The following FAM149B1 variants were observed in gnomAD, a reference collection of about 807,000 sequenced individuals.
FAM149B1 encodes family with sequence similarity 149 member B1.
Under a neutral mutation model 75.3 loss-of-function variants are expected in FAM149B1, and 56 were observed. That is an observed-to-expected ratio of 0.74 (90% CI 0.60 to 0.93). The LOEUF (loss-of-function observed/expected upper bound fraction) is 0.93. Among genes scored for constraint, FAM149B1 ranks in the 40% least tolerant of loss-of-function variants. FAM149B1 has a pLI of 0.00. For missense variants in FAM149B1, 639 were observed against 708.4 expected (o/e 0.90, Z 1.11); for synonymous variants, 259 against 256.1 (o/e 1.01, Z -0.11).
intron 7 of FAM149B1, among the ~76,000 whole-genome samples, chr10:73,211,769 TTTTCA>T (rs1293630113): frequency 2.6e-5 from 4 of 152,226 alleles, no homozygotes; most frequent in African/African-American, 9.6e-5. Context: ...CTATTTTTTC[TTTTCA>T]TTTTATTTTT....
chr10:73,220,734 T>C (rs1406584184), intron 7 of FAM149B1, among the ~76,000 whole-genome samples: 14 of 151,966 alleles, frequency 9.2e-5, no homozygotes, highest in Non-Finnish European at 2.1e-4. Flanking sequence ...ACAGCGGAGA[T>C]CTCTTTCTAT....
chr10:73,199,568 A>G lies in FAM149B1; in HGVS notation c.542+5975A>G, dbSNP rs532008156. Among the ~76,000 whole-genome samples the G allele has an allele frequency of 1.4e-4, 22 of 151,846 alleles. No homozygotes were observed. The South Asian group carries it at 1.9e-3, about 13-fold the overall frequency. ...TGTTTGTTTTAGGAGACAGGGTCTCACTATGTTGCCCAGGCTGTCCTCAAA... is the reference window on the plus strand; with the variant it reads ...TGTTTGTTTTAGGAGACAGGGTCTCGCTATGTTGCCCAGGCTGTCCTCAAA... On this transcript the variant is annotated intron_variant, in intron 5 of 13. Transcript: ENST00000242505.
intron 5 of FAM149B1, 35 bp from the exon 6 acceptor site, chr10:73,208,584 C>T: frequency 7.1e-7 from 1 of 1,402,438 alleles, no homozygotes; most frequent in South Asian, 1.5e-5. Context: ...TTTATGTTTA[C>T]ATAATTAATA....
intron 2 of FAM149B1, among the ~76,000 whole-genome samples, chr10:73,175,316 G>C (rs952808856): frequency 6.6e-6 from 1 of 152,184 alleles, no homozygotes; most frequent in Non-Finnish European, 1.5e-5. Context: ...GCTGCAGTAA[G>C]CTGTGTTTAC....
In FAM149B1 at chr10:73,242,570, G is replaced by A. The variant is rs2043967012; in HGVS notation, c.*1551G>A. 6.6e-6 allele frequency: 1 copy of A among 152,076 alleles called. No individual in the cohort carries two copies. The highest frequency in any genetic ancestry group is 1.5e-5 in the Non-Finnish European group (1 of 68,034). 9.4% of individuals were successfully genotyped at this position (152,076 alleles called of 1,614,324 possible). ...TTTGGATTTCACTCTTTGTTTTGATGTAGTAACTCTTTTATAAAAGGGAAC... is the reference window on the plus strand; with the variant it reads ...TTTGGATTTCACTCTTTGTTTTGATATAGTAACTCTTTTATAAAAGGGAAC... On this transcript the variant is annotated 3_prime_UTR_variant, in exon 14 of 14. Transcript: ENST00000242505.
At chr10:73,234,724 C>A in intron 10 of FAM149B1, 93 bp from the exon 11 acceptor site, 2 of 1,358,918 alleles carry the variant, frequency 1.5e-6, no homozygotes, top group Non-Finnish European at 2.0e-6. Flanking sequence ...ACATTAAACT[C>A]ATCTGCTTCA....
chr10:73,186,694 T>G (rs1020424526), intron 3 of FAM149B1, among the ~76,000 whole-genome samples: 3 of 152,238 alleles, frequency 2.0e-5, no homozygotes, highest in Admixed American at 6.5e-5. Context: ...GCGATTATTA[T>G]TCAGCCATAA....
intron 7 of FAM149B1, among the ~76,000 whole-genome samples, chr10:73,225,770 A>G (rs964518481): frequency 1.3e-5 from 2 of 152,234 alleles, no homozygotes; most frequent in Non-Finnish European, 2.9e-5. Flanking sequence ...AGTACCCTAT[A>G]CAAGGTACCT....
chr10:73,199,785 T>C (rs974337684), intron 5 of FAM149B1: 3 of 153,976 alleles, frequency 1.9e-5, no homozygotes, highest in Non-Finnish European at 2.9e-5. Flanking sequence ...AAAAATAACA[T>C]AGGCAGCTTT....
intron 3 of FAM149B1, among the ~76,000 whole-genome samples, chr10:73,184,339 A>T (rs1017178616): frequency 6.6e-6 from 1 of 152,184 alleles, no homozygotes; most frequent in African/African-American, 2.4e-5. Flanking sequence ...TGAAGCAAAA[A>T]ATGACTGAAT....
chr10:73,210,478 T>C, intron 7 of FAM149B1, 40 bp downstream of exon 7: 1 of 1,393,262 alleles, frequency 7.2e-7, no homozygotes, highest in South Asian at 1.3e-5. Flanking sequence ...ATCAATTGTT[T>C]ATGATTTCTA....
intron 3 of FAM149B1, among the ~76,000 whole-genome samples, chr10:73,185,135 A>T (rs755616814): frequency 2.8e-4 from 42 of 152,232 alleles, no homozygotes; most frequent in South Asian, 1.4e-3. Flanking sequence ...ACAAATCCCT[A>T]GAAAGACATA....
At chr10:73,221,813 A>C (rs1460009201) in intron 7 of FAM149B1, among the ~76,000 whole-genome samples, 1 of 152,174 alleles carries the variant, frequency 6.6e-6, no homozygotes, top group Non-Finnish European at 1.5e-5. Context: ...ATGCTTTAAA[A>C]AAATTTTTTT....
chr10:73,227,773 G>T (rs1032799035), intron 7 of FAM149B1, among the ~76,000 whole-genome samples: 1 of 152,178 alleles, frequency 6.6e-6, no homozygotes, highest in African/African-American at 2.4e-5. Flanking sequence ...CAGCACAGTT[G>T]TAAAATATTT....
At chr10:73,170,170 G>A (rs1019397107) in intron 1 of FAM149B1, among the ~76,000 whole-genome samples, 1 of 152,116 alleles carries the variant, frequency 6.6e-6, no homozygotes, top group Non-Finnish European at 1.5e-5. Context: ...ACATCACTGA[G>A]CCTTCGTTTC....
chr10:73,192,225 T>TA (rs2042701344), intron 3 of FAM149B1: 3 of 134,490 alleles, frequency 2.2e-5, no homozygotes, highest in Non-Finnish European at 4.5e-5. Flanking sequence ...TTTTTTTTTT[T>TA]AGGCTAATCA....
chr10:73,175,669 CAAAAAAA>C (rs779685127), intron 2 of FAM149B1, among the ~76,000 whole-genome samples: 1 of 64,938 alleles, frequency 1.5e-5, no homozygotes, highest in African/African-American at 4.6e-5. Flanking sequence ...GACTCCTTCT[CAAAAAAA>C]AAAAAAAAAA....
chr10:73,226,885 C>T (rs2043565451), intron 7 of FAM149B1, among the ~76,000 whole-genome samples: 1 of 152,058 alleles, frequency 6.6e-6, no homozygotes, highest in South Asian at 2.1e-4. Flanking sequence ...AGCAACTTTC[C>T]CAACCTCTAT....
chr10:73,177,516 A>G (rs1364116982), intron 2 of FAM149B1, among the ~76,000 whole-genome samples: 7 of 151,958 alleles, frequency 4.6e-5, no homozygotes, highest in Non-Finnish European at 1.0e-4. Context: ...CGAGGTTGCA[A>G]TGAGTCAATA....
Sources: gnomAD v4.1 joint callset for allele counts (sites outside exome capture counted in the v4.1 genomes callset) on GRCh38, gnomAD v4.1.1 for gene constraint, MANE v1.5 for transcripts, NCBI Gene and HGNC (gene_info 2026-07-23, HGNC 2026-07-21) for gene names.